GARNL3: variants seen among roughly 807,000 people sequenced by gnomAD.
GARNL3 encodes the protein GTPase-activating Rap/Ran-GAP domain-like protein 3.
In GARNL3, 63 loss-of-function variants were observed where a neutral mutation model predicts 125.0. The observed-to-expected ratio is 0.50, with a 90% CI of 0.41 to 0.62. The LOEUF (loss-of-function observed/expected upper bound fraction) is 0.62, where lower values mean the gene tolerates loss of function less well. GARNL3 is among the 20% of genes least tolerant of loss of function. The pLI is 0.00. For synonymous variants in GARNL3, 439 were observed against 457.5 expected, an observed-to-expected ratio of 0.96 and a Z score of 0.52; for missense variants, 994 against 1,244.0, an observed-to-expected ratio of 0.80 and a Z score of 3.02.
Position 127,335,315 on chromosome 9 carries a change from C to T in GARNL3, c.855C>T (p.Ser285=), listed in dbSNP as rs1374694106. ...ATGTTTCCACCATGTTGCCATATTC[C>T]AAAGAGAACAAACAGCAGGTACATG... ...MFHVSTMLPY[S]KENKQQVERK... is the part of the protein sequence containing the mutation. Residue 285 remains serine (S), a synonymous_variant, in exon 10 of 28, where the codon TCC becomes TCT. Coordinates refer to ENST00000373387, the MANE Select transcript of GARNL3 (RefSeq NM_032293.5). 1 of 1,612,078 alleles carries T rather than the reference C, an allele frequency of 6.2e-7. No individual in the cohort carries two copies. The highest frequency in any genetic ancestry group is 8.5e-7 in the Non-Finnish European group (1 of 1,178,258).
chr9:127,238,175 G>C (rs532342445), intron 1 of GARNL3, among the ~76,000 whole-genome samples: 3 of 152,182 alleles, frequency 2.0e-5, no homozygotes, highest in Non-Finnish European at 4.4e-5. Context: ...CTTTAGTAGA[G>C]ACGGGGTTTC....
At chr9:127,300,229 A>G in intron 2 of GARNL3, 2 of 301,990 alleles carry the variant, frequency 6.6e-6, no homozygotes, top group Non-Finnish European at 1.4e-5. Flanking sequence ...GGCACCACAC[A>G]ATTTTTGAGC....
chr9:127,241,342 GTTAT>G (rs1455563881), intron 1 of GARNL3, among the ~76,000 whole-genome samples: 2 of 152,134 alleles, frequency 1.3e-5, no homozygotes, highest in Non-Finnish European at 2.9e-5. Context: ...GCCCTGATTT[GTTAT>G]TTATTTGTTG....
chr9:127,365,510 T>A (rs1453247445), intron 22 of GARNL3, 144 bp downstream of exon 22: 2 of 725,190 alleles, frequency 2.8e-6, no homozygotes, highest in Non-Finnish European at 2.4e-6. Context: ...AACTGAAAAA[T>A]ACCTTCCTCC....
chr9:127,228,534 G>A (rs1359224495), intron 1 of GARNL3, among the ~76,000 whole-genome samples: 1 of 152,100 alleles, frequency 6.6e-6, no homozygotes, highest in Non-Finnish European at 1.5e-5. Flanking sequence ...TCATAGTGAG[G>A]TGAAACTTTT....
chr9:127,335,405 T>A (rs1829496314), intron 10 of GARNL3, 72 bp downstream of exon 10: 13 of 1,188,024 alleles, frequency 1.1e-5, no homozygotes, highest in Non-Finnish European at 1.6e-5. Flanking sequence ...TTCCATAGAA[T>A]TAGGGGCTAT....
chr9:127,287,557 C>A (rs2064286959), intron 1 of GARNL3, among the ~76,000 whole-genome samples: 1 of 152,226 alleles, frequency 6.6e-6, no homozygotes, highest in African/African-American at 2.4e-5. Context: ...CTTCATCAGG[C>A]CCCAGCCACC....
At chr9:127,333,697 G>T (rs1035893644) in intron 9 of GARNL3, among the ~76,000 whole-genome samples, 1 of 152,082 alleles carries the variant, frequency 6.6e-6, no homozygotes, top group Non-Finnish European at 1.5e-5. Context: ...AGACCTTGTG[G>T]CAGAAAAGAA....
chr9:127,358,550 T>C (rs1359750285), intron 21 of GARNL3, among the ~76,000 whole-genome samples: 2 of 152,234 alleles, frequency 1.3e-5, no homozygotes, highest in Non-Finnish European at 2.9e-5. Flanking sequence ...AATTGCTAAT[T>C]ACTATTTTAG....
rs565133371 is a variant in GARNL3 at position 127,387,513 on chromosome 9, C to T, written c.2527+182C>T. Among the ~76,000 whole-genome samples, 13 of 152,190 alleles carry T rather than the reference C, an allele frequency of 8.5e-5. 1 individual carries two copies. In the South Asian group the frequency reaches 2.1e-3, roughly 24 times the overall value. On this transcript the variant is annotated intron_variant, in intron 25 of 27. Coordinates refer to ENST00000373387, the MANE Select transcript of GARNL3 (RefSeq NM_032293.5). The stretch of plus-strand genomic sequence containing the variant: ...ATCCCAGCACTTTGGGAAGCTGAGG[C>T]GGGCGGATCACCTAAGGCCAGGAGT...
At chr9:127,365,436 A>G in intron 22 of GARNL3, 70 bp downstream of exon 22, 1 of 1,206,312 alleles carries the variant, frequency 8.3e-7, no homozygotes, top group Non-Finnish European at 1.2e-6. Flanking sequence ...GGGCAATTTA[A>G]AAAGATTGTC....
intron 1 of GARNL3, among the ~76,000 whole-genome samples, chr9:127,234,681 A>T (rs2063079095): frequency 6.6e-6 from 1 of 152,224 alleles, no homozygotes; most frequent in Admixed American, 6.5e-5. Flanking sequence ...TGAGTAATTT[A>T]TAAACAGAAA....
At chr9:127,270,883 C>CTCGATCTCGGCTCACTGCAACCTCTG (rs1431540119) in intron 1 of GARNL3, among the ~76,000 whole-genome samples, 4 of 151,094 alleles carry the variant, frequency 2.6e-5, no homozygotes, top group African/African-American at 7.4e-5. Context: ...GCTCTGTTGG[C>CTCGATCTCGGCTCACTGCAACCTCTG]CACCGTGGTC....
chr9:127,393,185 C>G lies in GARNL3; in HGVS notation c.2973C>G (p.Ser991Arg), dbSNP rs774187124. 30 of 1,613,706 alleles carry G rather than the reference C, an allele frequency of 1.9e-5. No individual in the cohort carries two copies. Among genetic ancestry groups the G allele is most frequent in the African/African-American group, 2.7e-5 (2 of 74,938 alleles). Residue 991 changes from serine (S) to arginine (R), a missense_variant, in exon 28 of 28, where the codon AGC (serine) becomes AGG (arginine). Ser to Arg is a moderately radical substitution (Grantham distance 110). Around this residue, in one of 5 missense-constraint regions of GARNL3, gnomAD observed 728 missense variants for 865.7 expected, o/e 0.84. Transcript: ENST00000373387. ...DQDPVADREGSPVSGSSPFQL... is the reference protein window; with the variant it reads ...DQDPVADREGRPVSGSSPFQL... Reference sequence around the variant, plus strand: ...ACCCTGTGGCAGACAGAGAGGGCAGCCCGGTCTCCGGCAGCAGCCCCTTCC... The same window carrying G: ...ACCCTGTGGCAGACAGAGAGGGCAGGCCGGTCTCCGGCAGCAGCCCCTTCC...
At chr9:127,284,218 T>C (rs973993821) in intron 1 of GARNL3, among the ~76,000 whole-genome samples, 1 of 152,346 alleles carries the variant, frequency 6.6e-6, no homozygotes, top group Non-Finnish European at 1.5e-5. Context: ...TCTACTCAGA[T>C]TTCTTTCTTA....
intron 22 of GARNL3, among the ~76,000 whole-genome samples, chr9:127,380,513 A>G (rs1032326513): frequency 2.0e-5 from 3 of 152,194 alleles, no homozygotes; most frequent in African/African-American, 7.2e-5. Flanking sequence ...CTTTATTAAC[A>G]ATAGCAAAAA....
In GARNL3 at chr9:127,354,282, T is replaced by G. The variant is rs778060974; in HGVS notation, c.1643-12T>G. 2 of 1,602,636 alleles carry G rather than the reference T, an allele frequency of 1.2e-6. No individual in the cohort carries two copies. Among genetic ancestry groups the G allele is most frequent in the South Asian group, 2.2e-5 (2 of 90,198 alleles). On this transcript the variant is annotated splice_polypyrimidine_tract_variant and intron_variant, in intron 18 of 27. Transcript: ENST00000373387. ...CATTTAATCTCCTCCTCTGTCTTTT[T>G]TATGTCACCAGGAAAAGATGCTCGC...
At position 127,318,097 on chromosome 9, in the gene GARNL3, CA is replaced by C. The variant is rs1564134491; in HGVS notation, c.478del (p.Thr160LeufsTer4). The C allele has an allele frequency of 6.2e-7, 1 of 1,609,598 alleles. No homozygotes were observed. The highest frequency in any genetic ancestry group is 8.5e-7 in the Non-Finnish European group (1 of 1,175,862). On this transcript the variant is annotated frameshift_variant, in exon 5 of 28. Transcript: ENST00000373387. LOFTEE classifies it high-confidence loss of function. ...AAAATATGCCTTCCCTACAGTCCCACAAAAACTCTTTCTGTGAAGTCCATCT... is the reference window on the plus strand; with the variant it reads ...AAAATATGCCTTCCCTACAGTCCCACAAAACTCTTTCTGTGAAGTCCATCT... ...TQKICLPYSP[T>X]KTLSVKSILS...
intron 25 of GARNL3, among the ~76,000 whole-genome samples, chr9:127,388,088 T>C (rs1395367741): frequency 6.7e-6 from 1 of 148,724 alleles, no homozygotes; most frequent in Non-Finnish European, 1.5e-5. Context: ...CAAGGCTGCA[T>C]TGAGCCGGGA....
Sources: gnomAD v4.1 joint callset for allele counts (sites outside exome capture counted in the v4.1 genomes callset) on GRCh38, gnomAD v4.1.1 for gene constraint, gnomAD v4.1.1 regional missense constraint, MANE v1.5 for transcripts, NCBI Gene and HGNC (gene_info 2026-07-23, HGNC 2026-07-21) for gene names.